SYNE1: variants seen among roughly 807,000 people sequenced by gnomAD.
SYNE1 encodes the protein spectrin repeat containing nuclear envelope protein 1.
SYNE1 carries 616 observed loss-of-function variants against 1,111.0 expected under a neutral mutation model. The observed-to-expected ratio is 0.55, with a 90% CI of 0.52 to 0.59. SYNE1 has a LOEUF of 0.59. SYNE1 is among the 20% of genes least tolerant of loss of function. The pLI is 0.00. For synonymous variants in SYNE1, 3,855 were observed against 3,825.8 expected (o/e 1.01, Z -0.28); for missense variants, 10,006 against 10,417.0 (o/e 0.96, Z 1.72).
intron 131 of SYNE1, among the ~76,000 whole-genome samples, chr6:152,158,619 A>G (rs1183584153): frequency 6.6e-6 from 1 of 152,216 alleles, no homozygotes; most frequent in Non-Finnish European, 1.5e-5. Flanking sequence ...ATGTCACAGG[A>G]ATTGCTGTTC....
intron 3 of SYNE1, among the ~76,000 whole-genome samples, chr6:152,579,630 G>A (rs182638808): frequency 2.0e-3 from 307 of 152,220 alleles, no homozygotes; most frequent in African/African-American, 6.6e-3. Context: ...GGTAATGAGC[G>A]TAGTACTCAA....
At chr6:152,536,445 TA>T (rs1274325052) in intron 4 of SYNE1, among the ~76,000 whole-genome samples, 4 of 138,750 alleles carry the variant, frequency 2.9e-5, no homozygotes, top group Non-Finnish European at 6.1e-5. Context: ...CTATATATAG[TA>T]ATATATATTT....
intron 126 of SYNE1, among the ~76,000 whole-genome samples, 181 bp from the exon 127 acceptor site, chr6:152,202,130 C>T (rs1332986655): frequency 2.0e-5 from 3 of 151,804 alleles, no homozygotes; most frequent in Non-Finnish European, 2.9e-5. Context: ...GTGGATCACT[C>T]GAGGTCAGGA....
intron 12 of SYNE1, among the ~76,000 whole-genome samples, chr6:152,487,482 T>G (rs2098947078): frequency 6.6e-6 from 1 of 152,202 alleles, no homozygotes; most frequent in South Asian, 2.1e-4. Flanking sequence ...GTGTCTTTGC[T>G]ATTGAAATCA....
At chr6:152,398,296 A>C (rs115239636) in intron 49 of SYNE1, among the ~76,000 whole-genome samples, 1 of 152,148 alleles carries the variant, frequency 6.6e-6, no homozygotes, top group East Asian at 1.9e-4. Context: ...AAACTCCTCC[A>C]CAATAGTCAT....
At chr6:152,548,381 G>T (rs9479337) in intron 3 of SYNE1, among the ~76,000 whole-genome samples, 5,413 of 152,252 alleles carry the variant, frequency 0.036, 335 homozygotes, top group African/African-American at 0.12. Context: ...AACTGGCCAC[G>T]TGTGGCTCAC....
chr6:152,404,393 A>G, intron 45 of SYNE1, 79 bp from the exon 46 acceptor site: 1 of 1,132,584 alleles, frequency 8.8e-7, no homozygotes, highest in Admixed American at 1.7e-5. Context: ...AAGAAGAGCT[A>G]ACTTTGTCGA....
intron 48 of SYNE1, 99 bp downstream of exon 48, chr6:152,399,517 A>G (rs1217727428): frequency 7.0e-7 from 1 of 1,419,516 alleles, no homozygotes; most frequent in East Asian, 2.3e-5. Flanking sequence ...GACACCCTGG[A>G]AAGTTTCCTC....
chr6:152,319,245 T>C (rs1373568791), intron 84 of SYNE1, among the ~76,000 whole-genome samples: 3 of 152,220 alleles, frequency 2.0e-5, no homozygotes, highest in African/African-American at 7.2e-5. Flanking sequence ...AAGCAATGTG[T>C]GTAGAGAAAT....
At position 152,278,122 on chromosome 6, in the gene SYNE1, C is replaced by G. The variant is rs2093774243; in HGVS notation, c.18540G>C (p.Gln6180His). Residue 6180 changes from glutamine (Q) to histidine (H), a missense_variant, in exon 98 of 146, where the codon CAG becomes CAC. Gln to His is a conservative substitution (Grantham distance 24, BLOSUM62 0). This residue lies in a region of SYNE1 where 2,182 missense variants were observed against 2,287.8 expected (regional missense o/e 0.95). Coordinates refer to ENST00000367255, the MANE Select transcript of SYNE1 (RefSeq NM_182961.4). ...RRLKGSLLEL[Q>H]RALHDKQLNM... ...TGAGCTGCTTATCATGCAGGGCTCT[C>G]TGCAGCTCCAGCAGGCTCCCCTTGA... 4 of 1,613,968 alleles carry G rather than the reference C, an allele frequency of 2.5e-6. No individual in the cohort carries two copies. The South Asian group carries it at 4.4e-5, about 18-fold the overall frequency.
intron 95 of SYNE1, among the ~76,000 whole-genome samples, chr6:152,287,264 A>G (rs1281864005): frequency 6.7e-6 from 1 of 150,132 alleles, no homozygotes; most frequent in Non-Finnish European, 1.5e-5. Flanking sequence ...GAAAGAGGTG[A>G]AAATTCTTCT....
At chr6:152,321,643 A>G in intron 83 of SYNE1, 78 bp downstream of exon 83, 14 of 1,560,616 alleles carry the variant, frequency 9.0e-6, no homozygotes. Context: ...CAATAAATAC[A>G]AACAAGTATG....
chr6:152,538,548 T>C (rs1168249256), intron 4 of SYNE1, among the ~76,000 whole-genome samples: 1 of 152,056 alleles, frequency 6.6e-6, no homozygotes, highest in Admixed American at 6.6e-5. Context: ...CTTTACACTT[T>C]CTAAAAGTTT....
At chr6:152,626,408 T>A (rs1323748582) in intron 3 of SYNE1, among the ~76,000 whole-genome samples, 2 of 152,196 alleles carry the variant, frequency 1.3e-5, no homozygotes, top group South Asian at 2.1e-4. Flanking sequence ...ATTTCATAGA[T>A]GATGTCATTG....
chr6:152,511,249 G>A (rs753722481), intron 6 of SYNE1, 146 bp from the exon 7 acceptor site: 80 of 742,212 alleles, frequency 1.1e-4, no homozygotes, highest in Admixed American at 2.0e-4. Flanking sequence ...GTGAGGCACC[G>A]AAACAAACAA....
intron 72 of SYNE1, 76 bp downstream of exon 72, chr6:152,350,080 CCCCACACATGCA>C (rs1275289338): frequency 2.2e-5 from 33 of 1,480,800 alleles, no homozygotes; most frequent in Non-Finnish European, 3.0e-5. Context: ...GTGTGTGCAC[CCCCACACATGCA>C]CACACATGCA....
chr6:152,364,870 C>A lies in SYNE1; in HGVS notation c.10122G>T (p.Leu3374Phe). ...QSVKDMWASL[L>F]SAGIRCKSQL... is the part of the protein sequence containing the mutation. ...ACCTTTTACAACGAATCCCTGCAGACAAAAGGGATGCCCACATATCCTTCA... is the reference window on the plus strand; with the variant it reads ...ACCTTTTACAACGAATCCCTGCAGAAAAAAGGGATGCCCACATATCCTTCA... Residue 3374 changes from leucine (L) to phenylalanine (F), a missense_variant, in exon 63 of 146, where the codon TTG (leucine) becomes TTT (phenylalanine). By Grantham distance (22) the Leu-to-Phe change is conservative. Coordinates refer to ENST00000367255, the MANE Select transcript of SYNE1 (RefSeq NM_182961.4). 6.2e-7 allele frequency: 1 copy of A among 1,614,160 alleles called. No individual in the cohort carries two copies. The highest frequency in any genetic ancestry group is 8.5e-7 in the Non-Finnish European group (1 of 1,180,038).
At chr6:152,605,011 AG>A (rs1565140170) in intron 3 of SYNE1, among the ~76,000 whole-genome samples, 87 of 42,930 alleles carry the variant, frequency 2.0e-3, no homozygotes, top group African/African-American at 3.4e-3. Context: ...AAAGAAAGAG[AG>A]AGAGAGAGAG....
chr6:152,425,629 A>G, intron 38 of SYNE1, 82 bp from the exon 39 acceptor site: 2 of 1,530,004 alleles, frequency 1.3e-6, no homozygotes, highest in Non-Finnish European at 1.8e-6. Context: ...CTGTTGTCCA[A>G]AGGATTCGCA....
Sources: gnomAD v4.1 joint callset for allele counts (sites outside exome capture counted in the v4.1 genomes callset) on GRCh38, gnomAD v4.1.1 for gene constraint, gnomAD v4.1.1 regional missense constraint, MANE v1.5 for transcripts, NCBI Gene and HGNC (gene_info 2026-07-23, HGNC 2026-07-21) for gene names.